CPT1B: variants seen among roughly 807,000 people sequenced by gnomAD.
CPT1B encodes carnitine O-palmitoyltransferase 1, muscle isoform.
Under a neutral mutation model 92.7 loss-of-function variants are expected in CPT1B, and 57 were observed. The ratio of observed to expected loss-of-function variants is 0.62; its 90% CI spans 0.50 to 0.77. The LOEUF (loss-of-function observed/expected upper bound fraction) is 0.77, where lower values mean the gene tolerates loss of function less well. Among genes scored for constraint, CPT1B ranks in the 30% least tolerant of loss-of-function variants. The pLI, the probability that CPT1B is intolerant of heterozygous loss-of-function variation, is 0.00. For synonymous variants in CPT1B, 398 were observed against 383.5 expected (o/e 1.04, Z -0.44); for missense variants, 983 against 1,017.4 (o/e 0.97, Z 0.46).
At chr22:50,576,395 C>T in intron 5 of CPT1B, 60 bp from the exon 6 acceptor site, 1 of 1,610,056 alleles carries the variant, frequency 6.2e-7, no homozygotes, top group East Asian at 2.2e-5. Flanking sequence ...CTATCTTAAT[C>T]CTCTTCCCAC....
chr22:50,572,027 C>T lies in CPT1B; in HGVS notation c.1554G>A (p.Leu518=). Residue 518 remains leucine (L), a synonymous_variant, in exon 13 of 20, where the codon CTG becomes CTA. Coordinates refer to ENST00000312108, the MANE Select transcript of CPT1B (RefSeq NM_152246.3). ...PNPALAPPTR[L]QWDIPKQCQA... ...CCACCTGTTTTGGAATGTCCCACTG[C>T]AGCCGTGTAGGAGGTGCGAGCGCAG... 6.2e-7 allele frequency: 1 copy of T among 1,614,098 alleles called. No homozygotes were observed. The highest frequency in any genetic ancestry group is 8.5e-7 in the Non-Finnish European group (1 of 1,179,992).
Position 50,572,123 on chromosome 22 carries a change from C to G in CPT1B, c.1459-1G>C. 2.5e-6 allele frequency: 4 copies of G among 1,614,120 alleles called. No homozygotes were observed. Among genetic ancestry groups the G allele is most frequent in the South Asian group, 1.1e-5 (1 of 91,086 alleles). Reference sequence around the variant, plus strand: ...GGAAGCTGTCTGTGCCCAGGACAAACTGCAGGGAGAGGATGAGACTGAGAG... The same window carrying G: ...GGAAGCTGTCTGTGCCCAGGACAAAGTGCAGGGAGAGGATGAGACTGAGAG... On this transcript the variant is annotated splice_acceptor_variant, in intron 12 of 19. Transcript: ENST00000312108. LOFTEE classifies it high-confidence loss of function.
chr22:50,577,140 A>C, intron 3 of CPT1B, 106 bp from the exon 4 acceptor site: 1 of 1,421,572 alleles, frequency 7.0e-7, no homozygotes, highest in Non-Finnish European at 9.7e-7. Context: ...CCCTGGGCAC[A>C]CTCATGTCTG....
intron 13 of CPT1B, chr22:50,571,798 C>T: frequency 1.5e-6 from 1 of 663,350 alleles, no homozygotes; most frequent in South Asian, 1.8e-5. Flanking sequence ...TGTCTCTAAA[C>T]ACAGATGGCC....
intron 7 of CPT1B, 105 bp from the exon 8 acceptor site, chr22:50,574,705 C>T: frequency 1.2e-6 from 1 of 841,174 alleles, no homozygotes; most frequent in Admixed American, 1.9e-5. Flanking sequence ...TGTTCTGTCT[C>T]CCTCTTCCAG....
At chr22:50,575,169 A>G (rs2070376156) in intron 7 of CPT1B, among the ~76,000 whole-genome samples, 1 of 151,574 alleles carries the variant, frequency 6.6e-6, no homozygotes, top group African/African-American at 2.4e-5. Flanking sequence ...GCCCACCACC[A>G]CGCCCGGCTA....
In CPT1B at chr22:50,576,429, T is replaced by C; in HGVS notation, c.562-94A>G. The C allele has an allele frequency of 2.5e-6, 4 of 1,605,570 alleles. No individual in the cohort carries two copies. The South Asian group carries it at 3.3e-5, about 13-fold the overall frequency. ...ACCTCTCCCTCCTCACCCAGCCCCA[T>C]TATTCTCAAGCCCTTAAGGCCACTC... On this transcript the variant is annotated intron_variant, in intron 5 of 19. Transcript: ENST00000312108.
At chr22:50,576,165 C>T (rs767718151) in intron 6 of CPT1B, 33 bp downstream of exon 6, 1 of 1,614,066 alleles carries the variant, frequency 6.2e-7, no homozygotes, top group Non-Finnish European at 8.5e-7. Flanking sequence ...GGACACATGG[C>T]AGGTGACAGT....
chr22:50,569,551 G>C, intron 18 of CPT1B, 25 bp downstream of exon 18: 1 of 1,610,424 alleles, frequency 6.2e-7, no homozygotes, highest in Non-Finnish European at 8.5e-7. Context: ...CCTTCCTCAG[G>C]CCTGAGCTGT....
intron 17 of CPT1B, among the ~76,000 whole-genome samples, chr22:50,570,032 C>T (rs1378154311): frequency 6.6e-6 from 1 of 152,198 alleles, no homozygotes; most frequent in Non-Finnish European, 1.5e-5. Context: ...TGCCCAGTAC[C>T]CTGGAAACCA....
In CPT1B at chr22:50,572,213, T is replaced by C. The variant is rs1205806753; in HGVS notation, c.1448A>G (p.His483Arg). 1 of 1,613,524 alleles carries C rather than the reference T, an allele frequency of 6.2e-7. No homozygotes were observed. ...HAWADAPIIG[H>R]LWEFVLGTDS... ...CTGCAAGGCTATTACCTCCCAGAGG[T>C]GCCCAATGATGGGAGCATCTGCCCA... Residue 483 changes from histidine to arginine, a missense_variant, in exon 12 of 20, where the codon CAC becomes CGC. By Grantham distance (29) the His-to-Arg change is conservative (BLOSUM62 0). Transcript: ENST00000312108.
intron 17 of CPT1B, 147 bp downstream of exon 17, chr22:50,570,146 C>G: frequency 1.7e-6 from 1 of 592,646 alleles, no homozygotes; most frequent in Non-Finnish European, 2.8e-6. Flanking sequence ...GAGTCCATAG[C>G]TAACATTCTG....
In CPT1B at chr22:50,571,032, C is replaced by T; in HGVS notation, c.1887G>A (p.Leu629=). The T allele has an allele frequency of 6.2e-7, 1 of 1,614,016 alleles. No homozygotes were observed. Among genetic ancestry groups the T allele is most frequent in the Non-Finnish European group, 8.5e-7 (1 of 1,179,976 alleles). ...MMEGSHTKAD[L]RDLFQKAAKK... is the part of the protein sequence containing the mutation. ...TAGCAGCCTTCTGGAAGAGATCTCG[C>T]AGGTCTGCTTTCTGCGGGGCAGAAG... is the stretch of plus-strand genomic sequence containing the variant. Residue 629 remains leucine (L), a synonymous_variant, in exon 16 of 20, where the codon CTG becomes CTA. Transcript: ENST00000312108.
chr22:50,571,608 AGG>A, intron 13 of CPT1B, 69 bp from the exon 14 acceptor site: 1 of 1,540,250 alleles, frequency 6.5e-7, no homozygotes, highest in Non-Finnish European at 8.8e-7. Flanking sequence ...CATGTCTAGG[AGG>A]CATGACGTTT....
At chr22:50,578,018 G>A in intron 1 of CPT1B, 84 bp from the exon 2 acceptor site, 1 of 928,858 alleles carries the variant, frequency 1.1e-6, no homozygotes, top group Non-Finnish European at 1.4e-6. Context: ...GCCAGTCCGC[G>A]ACCCCTCGCG....
chr22:50,570,082 A>G (rs577643552), intron 17 of CPT1B, among the ~76,000 whole-genome samples: 18 of 152,212 alleles, frequency 1.2e-4, no homozygotes, highest in Non-Finnish European at 2.2e-4. Context: ...AACCACGGTC[A>G]TGCTTCAGCA....
Position 50,573,534 on chromosome 22 carries a change from G to A in CPT1B, c.1152C>T (p.Leu384=). Residue 384 remains leucine (L), a synonymous_variant, in exon 10 of 20, where the codon CTC becomes CTT. Transcript: ENST00000312108. The surrounding 1 kb of genome is among the most constrained non-coding windows in gnomAD (Gnocchi z 5.0). ...GAGGCCAATACCTTCCTCCTGCAGT[G>A]AGGGCTGCCAGCTTCTCCTCCCCAG... ...PQPGEEKLAA[L]TAGGRVEWAQ... is the part of the protein sequence containing the mutation. The A allele has an allele frequency of 6.2e-7, 1 of 1,611,332 alleles. No individual in the cohort carries two copies. Among genetic ancestry groups the A allele is most frequent in the South Asian group, 1.1e-5 (1 of 90,874 alleles).
intron 3 of CPT1B, 90 bp from the exon 4 acceptor site, chr22:50,577,124 G>A: frequency 6.7e-7 from 1 of 1,483,058 alleles, no homozygotes; most frequent in Non-Finnish European, 9.3e-7. Flanking sequence ...CCAAGGGGAA[G>A]AACCTCCCTG....
Position 50,577,765 on chromosome 22 carries a change from C to CT in CPT1B, c.141+9dup. 1 of 1,611,304 alleles carries CT rather than the reference C, an allele frequency of 6.2e-7. No homozygotes were observed. The highest frequency in any genetic ancestry group is 1.7e-4 in the Middle Eastern group (1 of 6,052). On this transcript the variant is annotated intron_variant, in intron 2 of 19. Coordinates refer to ENST00000312108, the MANE Select transcript of CPT1B (RefSeq NM_152246.3). ...TCTGCCTACGCTCTGGGAGAAGCACCTGTGCGCACCTTGATGCGGATCAGG... is the reference window on the plus strand; with the variant it reads ...TCTGCCTACGCTCTGGGAGAAGCACCTTGTGCGCACCTTGATGCGGATCAGG...
Sources: gnomAD v4.1 joint callset for allele counts (sites outside exome capture counted in the v4.1 genomes callset) on GRCh38, gnomAD v4.1.1 for gene constraint, Gnocchi (gnomAD v3.1) non-coding constraint, MANE v1.5 for transcripts, NCBI Gene and HGNC (gene_info 2026-07-23, HGNC 2026-07-21) for gene names.